The following COA1 variants were observed in gnomAD, a reference collection of about 807,000 sequenced individuals.
COA1 encodes the protein cytochrome c oxidase assembly factor 1 homolog.
In COA1, 13 loss-of-function variants were observed where a neutral mutation model predicts 16.0. The observed-to-expected ratio is 0.81, with a 90% CI of 0.53 to 1.29. The LOEUF is 1.29. Ranked by LOEUF, COA1 falls within the 50% of genes most tolerant of loss-of-function variation. COA1 has a pLI of 0.00. For missense variants in COA1, 179 were observed against 177.0 expected (o/e 1.01, Z -0.06); for synonymous variants, 65 against 65.7 (o/e 0.99, Z 0.05).
At chr7:43,704,329 G>T (rs1209749649) in intron 1 of COA1, among the ~76,000 whole-genome samples, 1 of 152,106 alleles carries the variant, frequency 6.6e-6, no homozygotes, top group African/African-American at 2.4e-5. Context: ...ATGGTACAGG[G>T]CTTCTCTGAA....
chr7:43,662,733 A>T (rs1246923219), intron 1 of COA1, among the ~76,000 whole-genome samples: 1 of 152,164 alleles, frequency 6.6e-6, no homozygotes, highest in Admixed American at 6.5e-5. Context: ...ATGAATAAAT[A>T]TTTTTTCAGT....
At chr7:43,647,229 T>G in intron 3 of COA1, 1 of 437,016 alleles carries the variant, frequency 2.3e-6, no homozygotes, top group Non-Finnish European at 4.1e-6. Flanking sequence ...CTCTGTCCCT[T>G]CTTTATATAA....
intron 1 of COA1, among the ~76,000 whole-genome samples, chr7:43,663,424 C>G (rs190513181): frequency 1.3e-5 from 2 of 152,126 alleles, no homozygotes; most frequent in Non-Finnish European, 2.9e-5. Flanking sequence ...TGTGACAATA[C>G]CACTCTGCCT....
chr7:43,645,577 A>G, intron 3 of COA1, 178 bp from the exon 4 acceptor site: 1 of 592,712 alleles, frequency 1.7e-6, no homozygotes, highest in Non-Finnish European at 3.0e-6. Flanking sequence ...CTCAAAAACC[A>G]AAGCACAGGC....
At chr7:43,676,538 A>G (rs548012624) in intron 1 of COA1, among the ~76,000 whole-genome samples, 1 of 152,332 alleles carries the variant, frequency 6.6e-6, no homozygotes, top group Admixed American at 6.5e-5. Flanking sequence ...GAAGCTAAAA[A>G]AAGTTGATCT....
intron 1 of COA1, among the ~76,000 whole-genome samples, chr7:43,653,346 A>G (rs1459159326): frequency 6.6e-6 from 1 of 152,152 alleles, no homozygotes; most frequent in Non-Finnish European, 1.5e-5. Flanking sequence ...CGGCAAAAAC[A>G]AAACAAAAGA....
chr7:43,691,264 G>A (rs866853495), intron 1 of COA1, among the ~76,000 whole-genome samples: 1 of 30,552 alleles, frequency 3.3e-5, no homozygotes, highest in Non-Finnish European at 5.3e-5. Context: ...AAGAAAGAAA[G>A]AAAAGAAAGA....
In COA1 at chr7:43,719,193, C is replaced by T. The variant is rs150899355; in HGVS notation, c.-39+10236G>A. Among the ~76,000 whole-genome samples, 271 of 152,222 alleles carry T rather than the reference C, an allele frequency of 1.8e-3. 1 individual carries two copies. The highest frequency in any genetic ancestry group is 6.2e-3 in the African/African-American group (257 of 41,526). On this transcript the variant is annotated intron_variant, in intron 1 of 5. Transcript: ENST00000223336. Reference sequence around the variant, plus strand: ...ATGTTGGCCAGGTTGGTCTCGAACTCCTGACCTCAAGTGATCTGCCCAGCT... The same window carrying T: ...ATGTTGGCCAGGTTGGTCTCGAACTTCTGACCTCAAGTGATCTGCCCAGCT...
chr7:43,628,643 G>A (rs1158914111), intron 6 of COA1, among the ~76,000 whole-genome samples: 1 of 152,180 alleles, frequency 6.6e-6, no homozygotes, highest in Non-Finnish European at 1.5e-5. Flanking sequence ...TTTTAGCCAT[G>A]CTTCTGGATA....
chr7:43,690,585 C>A (rs2094232455), intron 1 of COA1, among the ~76,000 whole-genome samples: 1 of 152,062 alleles, frequency 6.6e-6, no homozygotes. Context: ...AGTGAAGTAA[C>A]TCAGGAACGG....
intron 1 of COA1, among the ~76,000 whole-genome samples, chr7:43,729,227 A>G (rs998341883): frequency 4.6e-5 from 7 of 152,208 alleles, no homozygotes; most frequent in African/African-American, 7.2e-5. Flanking sequence ...GAGCGGACGG[A>G]GCCACTGAAG....
chr7:43,723,992 A>G (rs1411100867), intron 1 of COA1, among the ~76,000 whole-genome samples: 1 of 152,228 alleles, frequency 6.6e-6, no homozygotes, highest in Non-Finnish European at 1.5e-5. Flanking sequence ...TATCCATGAT[A>G]AACTTTTTAT....
intron 1 of COA1, among the ~76,000 whole-genome samples, chr7:43,693,303 C>G (rs1042304000): frequency 1.3e-5 from 2 of 152,164 alleles, no homozygotes; most frequent in Non-Finnish European, 2.9e-5. Flanking sequence ...GATTAGGATA[C>G]CCCCAACCTT....
rs148437533 is a variant in COA1, at chr7:43,704,196, C to T, written c.-39+25233G>A. Among the ~76,000 whole-genome samples the T allele has an allele frequency of 3.7e-3, 562 of 152,276 alleles. 3 individuals are homozygous for T. The highest frequency in any genetic ancestry group is 4.9e-3 in the Non-Finnish European group (335 of 68,016). ...AAGGCCTCCTATTAGCTGGATGGGGCTACCTTAGTATGTGGCCTGCACCTT... is the reference window on the plus strand; with the variant it reads ...AAGGCCTCCTATTAGCTGGATGGGGTTACCTTAGTATGTGGCCTGCACCTT... On this transcript the variant is annotated intron_variant, in intron 1 of 5. Transcript: ENST00000223336.
chr7:43,647,786 GGGTT>G, intron 2 of COA1, 152 bp from the exon 3 acceptor site: 1 of 635,700 alleles, frequency 1.6e-6, no homozygotes, highest in Non-Finnish European at 2.8e-6. Context: ...CCAAATGCCA[GGGTT>G]GGTTCTGAAG....
intron 3 of COA1, chr7:43,646,023 C>G (rs936089567): frequency 1.3e-5 from 2 of 153,328 alleles, no homozygotes; most frequent in African/African-American, 2.4e-5. Flanking sequence ...CTGGGAACTC[C>G]GGGAAGCACC....
chr7:43,724,068 C>T (rs1213336091), intron 1 of COA1, among the ~76,000 whole-genome samples: 1 of 152,208 alleles, frequency 6.6e-6, no homozygotes, highest in East Asian at 1.9e-4. Context: ...AACACCTACA[C>T]CCCTTCAAGT....
chr7:43,691,369 GAGGGAGGGAGGAAGGAAGGA>G (rs1467902499), intron 1 of COA1, among the ~76,000 whole-genome samples: 60 of 18,736 alleles, frequency 3.2e-3, no homozygotes, highest in African/African-American at 8.3e-3. Context: ...GGGAGGGAGG[GAGGGAGGGAGGAAGGAAGGA>G]AGGAAGGAAG....
chr7:43,728,406 T>C (rs978211023), intron 1 of COA1, among the ~76,000 whole-genome samples: 5 of 152,220 alleles, frequency 3.3e-5, no homozygotes, highest in Admixed American at 6.5e-5. Flanking sequence ...CCTAGCAATA[T>C]TATGAATTCA....
Sources: allele counts gnomAD v4.1 joint callset (sites outside exome capture counted in the v4.1 genomes callset), GRCh38; gene constraint gnomAD v4.1.1; transcripts MANE v1.5; gene names NCBI Gene and HGNC (gene_info 2026-07-23, HGNC 2026-07-21).